The following SLIT3 variants were observed in gnomAD, a reference collection of about 807,000 sequenced individuals.
The protein encoded by SLIT3 is slit guidance ligand 3.
SLIT3 carries 68 observed loss-of-function variants against 184.0 expected under a neutral mutation model. That is an observed-to-expected ratio of 0.37 (90% CI 0.30 to 0.45). The LOEUF (loss-of-function observed/expected upper bound fraction) is 0.45. Among genes scored for constraint, SLIT3 ranks in the 20% least tolerant of loss-of-function variants. SLIT3 has a pLI of 1.00. For synonymous variants in SLIT3, 831 were observed against 828.6 expected, an observed-to-expected ratio of 1.00 and a Z score of -0.05; for missense variants, 1,707 against 2,026.0, an observed-to-expected ratio of 0.84 and a Z score of 3.02.
At chr5:168,953,761 T>A (rs10066634) in intron 4 of SLIT3, among the ~76,000 whole-genome samples, 72,990 of 151,792 alleles carry the variant, frequency 0.48, 18,706 homozygotes, top group African/African-American at 0.67. Context: ...AAGCATATTC[T>A]CACCCACACT....
intron 16 of SLIT3, among the ~76,000 whole-genome samples, chr5:168,755,887 G>A (rs537972014): frequency 1.3e-5 from 2 of 152,294 alleles, no homozygotes; most frequent in Admixed American, 1.3e-4. Flanking sequence ...AGTTCTCCCT[G>A]GCAGGGTTGC....
intron 10 of SLIT3, among the ~76,000 whole-genome samples, chr5:168,792,707 G>T (rs1345374089): frequency 6.6e-6 from 1 of 152,192 alleles, no homozygotes; most frequent in African/African-American, 2.4e-5. Context: ...CCAGGTGTCA[G>T]GCCTACCAGT....
At chr5:168,749,687 C>G in intron 18 of SLIT3, 52 bp from the exon 19 acceptor site, 2 of 1,596,178 alleles carry the variant, frequency 1.3e-6, no homozygotes, top group South Asian at 2.2e-5. Context: ...TGGGAGCGGC[C>G]CTGGGATCTG....
At chr5:168,922,547 C>A (rs1761673935) in intron 4 of SLIT3, among the ~76,000 whole-genome samples, 1 of 150,038 alleles carries the variant, frequency 6.7e-6, no homozygotes, top group South Asian at 2.1e-4. Context: ...CATTTGAGAA[C>A]AGGCTGACCA....
intron 4 of SLIT3, among the ~76,000 whole-genome samples, chr5:168,948,504 G>A (rs181699903): frequency 6.6e-6 from 1 of 152,276 alleles, no homozygotes; most frequent in Non-Finnish European, 1.5e-5. Flanking sequence ...GAGGTCGGGA[G>A]ACACTTTGCA....
At chr5:168,892,308 A>C (rs553127571) in intron 4 of SLIT3, among the ~76,000 whole-genome samples, 432 of 151,954 alleles carry the variant, frequency 2.8e-3, no homozygotes, top group Non-Finnish European at 5.0e-3. Context: ...TGTATTTTAC[A>C]CACACCTCAA....
At chr5:169,247,705 C>T (rs1438725354) in intron 2 of SLIT3, among the ~76,000 whole-genome samples, 1 of 152,120 alleles carries the variant, frequency 6.6e-6, no homozygotes, top group Non-Finnish European at 1.5e-5. Context: ...CTTTGTCACC[C>T]ACGCTGGAGT....
intron 9 of SLIT3, among the ~76,000 whole-genome samples, chr5:168,803,577 T>C (rs538098608): frequency 7.2e-5 from 11 of 152,034 alleles, no homozygotes; most frequent in Non-Finnish European, 1.6e-4. Context: ...AAACTGAGAG[T>C]ATAGAGATGT....
chr5:169,188,287 T>A (rs564551904), intron 4 of SLIT3, among the ~76,000 whole-genome samples: 1 of 152,270 alleles, frequency 6.6e-6, no homozygotes, highest in African/African-American at 2.4e-5. Context: ...ACTGTCTGCA[T>A]CTTGCCTTCT....
chr5:168,804,077 C>T (rs551690955), intron 9 of SLIT3, among the ~76,000 whole-genome samples: 17 of 151,704 alleles, frequency 1.1e-4, no homozygotes, highest in South Asian at 2.1e-4. Context: ...GAGGCCGAGG[C>T]GGGTGGATCA....
chr5:169,249,326 G>T (rs1765697889), intron 2 of SLIT3, among the ~76,000 whole-genome samples: 1 of 152,074 alleles, frequency 6.6e-6, no homozygotes, highest in Non-Finnish European at 1.5e-5. Context: ...AGGCTTTTTG[G>T]CATTGCTTAT....
At chr5:168,894,222 C>A (rs1256057679) in intron 4 of SLIT3, among the ~76,000 whole-genome samples, 1 of 152,208 alleles carries the variant, frequency 6.6e-6, no homozygotes, top group African/African-American at 2.4e-5. Flanking sequence ...GGAAAGGTTG[C>A]TGGTTGCTTC....
At chr5:168,856,766 C>CGTGTGTGTGTGTGTGTGT (rs372608852) in intron 5 of SLIT3, among the ~76,000 whole-genome samples, 2 of 132,866 alleles carry the variant, frequency 1.5e-5, no homozygotes, top group East Asian at 2.5e-4. Context: ...CTGAGTTCCT[C>CGTGTGTGTGTGTGTGTGT]GTGTGTGTGT....
intron 4 of SLIT3, among the ~76,000 whole-genome samples, chr5:169,083,980 G>A (rs1030918774): frequency 5.3e-5 from 8 of 152,178 alleles, no homozygotes; most frequent in East Asian, 3.9e-4. Flanking sequence ...TACTCCCTTC[G>A]CTTGGAGGGC....
Position 168,666,423 on chromosome 5 carries a change from TC to T in SLIT3, c.*30del. On this transcript the variant is annotated 3_prime_UTR_variant, in exon 36 of 36. Coordinates refer to ENST00000519560, the MANE Select transcript of SLIT3 (RefSeq NM_003062.4). ...CTGTCCCAACTCCATCAAGCTGGAG[TC>T]CGAGAGGTGGCAGGCAGGCGGGCAG... 1 of 1,518,312 alleles carries T rather than the reference TC, an allele frequency of 6.6e-7. No individual in the cohort carries two copies. The allele number at this position is 1,518,312 out of a possible 1,614,324, so 94.1% of individuals were successfully genotyped here. A position where few individuals can be genotyped will look rare whatever the true frequency, so the allele number is the denominator to read the frequency against.
intron 1 of SLIT3, among the ~76,000 whole-genome samples, chr5:169,274,681 G>A (rs763275359): frequency 6.6e-6 from 1 of 152,168 alleles, no homozygotes; most frequent in Non-Finnish European, 1.5e-5. Flanking sequence ...ATAGGATAAG[G>A]GCTTCCAAGA....
chr5:168,700,748 C>T, intron 26 of SLIT3, 69 bp from the exon 27 acceptor site: 2 of 1,106,138 alleles, frequency 1.8e-6, no homozygotes, highest in Non-Finnish European at 2.7e-6. Flanking sequence ...CCAGGGGACT[C>T]CAGGGGTTCC....
At chr5:168,691,308 G>C (rs1449924653) in intron 29 of SLIT3, among the ~76,000 whole-genome samples, 1 of 152,210 alleles carries the variant, frequency 6.6e-6, no homozygotes, top group Non-Finnish European at 1.5e-5. Context: ...TCAAGTTTCA[G>C]AGATTCTATG....
intron 16 of SLIT3, 111 bp downstream of exon 16, chr5:168,760,751 G>A: frequency 1.3e-6 from 1 of 765,254 alleles, no homozygotes; most frequent in Non-Finnish European, 2.3e-6. Flanking sequence ...AAGGCTGGGA[G>A]GGAGTGGAGC....
Sources: allele counts gnomAD v4.1 joint callset (sites outside exome capture counted in the v4.1 genomes callset), GRCh38; gene constraint gnomAD v4.1.1; transcripts MANE v1.5; gene names NCBI Gene and HGNC (gene_info 2026-07-23, HGNC 2026-07-21).